SGMS1: variants seen among roughly 807,000 people sequenced by gnomAD.
SGMS1 encodes the protein phosphatidylcholine:ceramide cholinephosphotransferase 1.
A neutral mutation model predicts 46.2 loss-of-function variants in SGMS1; 13 were observed. The observed-to-expected ratio is 0.28, with a 90% CI of 0.18 to 0.45. The LOEUF is 0.45. Ranked by LOEUF, SGMS1 falls within the 20% of genes least tolerant of loss-of-function variation. The pLI is 1.00. For missense variants in SGMS1, 324 were observed against 519.9 expected, an observed-to-expected ratio of 0.62 and a Z score of 3.66; for synonymous variants, 203 against 187.8, an observed-to-expected ratio of 1.08 and a Z score of -0.66.
intron 3 of SGMS1, among the ~76,000 whole-genome samples, chr10:50,485,303 C>T (rs1837510596): frequency 1.3e-5 from 2 of 151,998 alleles, no homozygotes. Context: ...ACAATTGCTA[C>T]AAAGAGAATA....
At chr10:50,408,448 AAAAAAAAC>A (rs1564904987) in intron 6 of SGMS1, among the ~76,000 whole-genome samples, 2 of 148,548 alleles carry the variant, frequency 1.3e-5, no homozygotes, top group Non-Finnish European at 2.9e-5. Flanking sequence ...AAAAAAAAAA[AAAAAAAAC>A]AAAATAAAAA....
intron 6 of SGMS1, among the ~76,000 whole-genome samples, chr10:50,426,397 A>C (rs940584177): frequency 6.6e-6 from 1 of 152,254 alleles, no homozygotes; most frequent in African/African-American, 2.4e-5. Flanking sequence ...CTGGTTGTGC[A>C]GTATTTAATA....
At chr10:50,350,193 G>A (rs1447562475) in intron 6 of SGMS1, among the ~76,000 whole-genome samples, 2 of 152,180 alleles carry the variant, frequency 1.3e-5, no homozygotes, top group Admixed American at 6.5e-5. Flanking sequence ...GAAGCATTTT[G>A]CCCCTGCCCT....
intron 8 of SGMS1, among the ~76,000 whole-genome samples, chr10:50,321,064 C>G (rs944498582): frequency 1.3e-5 from 2 of 152,210 alleles, no homozygotes; most frequent in Non-Finnish European, 2.9e-5. Flanking sequence ...AGGAAATAAA[C>G]AAGCTTCTTG....
intron 3 of SGMS1, among the ~76,000 whole-genome samples, chr10:50,467,150 T>C (rs2133695744): frequency 6.6e-6 from 1 of 151,882 alleles, no homozygotes; most frequent in South Asian, 2.1e-4. Flanking sequence ...AGCATGCAAA[T>C]CCAATGCCAA....
At chr10:50,563,858 T>G (rs1838264851) in intron 2 of SGMS1, among the ~76,000 whole-genome samples, 1 of 152,122 alleles carries the variant, frequency 6.6e-6, no homozygotes, top group Non-Finnish European at 1.5e-5. Flanking sequence ...GGTTTCTGAT[T>G]ACACTTGCGT....
intron 6 of SGMS1, among the ~76,000 whole-genome samples, chr10:50,429,063 A>G (rs1232251186): frequency 6.6e-6 from 1 of 152,234 alleles, no homozygotes; most frequent in African/African-American, 2.4e-5. Flanking sequence ...CTGTATGGGT[A>G]CTTGAAGTAT....
At chr10:50,546,249 C>T (rs1469480030) in intron 2 of SGMS1, among the ~76,000 whole-genome samples, 4 of 152,236 alleles carry the variant, frequency 2.6e-5, no homozygotes, top group Admixed American at 6.5e-5. Flanking sequence ...TAGCAACAAA[C>T]ACAAGGCTCA....
intron 2 of SGMS1, among the ~76,000 whole-genome samples, chr10:50,548,972 T>C (rs1355549791): frequency 6.6e-6 from 1 of 152,046 alleles, no homozygotes; most frequent in Non-Finnish European, 1.5e-5. Context: ...ATTAGAGAAA[T>C]GCAAATCAAA....
In SGMS1 at chr10:50,475,886, A is replaced by C. The variant is rs114818698; in HGVS notation, c.-497-8954T>G. On this transcript the variant is annotated intron_variant, in intron 3 of 10. Coordinates refer to ENST00000361781, the MANE Select transcript of SGMS1 (RefSeq NM_147156.4). Reference sequence around the variant, plus strand: ...GTACAGCCTGCATAACTTTGAGCCAATTGAACCTCATTTCTGTATAAATTA... The same window carrying C: ...GTACAGCCTGCATAACTTTGAGCCACTTGAACCTCATTTCTGTATAAATTA... 4.4e-3 allele frequency among the ~76,000 whole-genome samples: 673 copies of C among 152,122 alleles called. 3 individuals carry two copies. Among genetic ancestry groups the C allele is most frequent in the African/African-American group, 0.015 (634 of 41,490 alleles).
At chr10:50,405,519 A>G (rs758920680) in intron 6 of SGMS1, among the ~76,000 whole-genome samples, 1 of 152,216 alleles carries the variant, frequency 6.6e-6, no homozygotes, top group Non-Finnish European at 1.5e-5. Context: ...AAAAATTAGC[A>G]GTTTACAGTT....
At chr10:50,400,178 A>G (rs1225176150) in intron 6 of SGMS1, among the ~76,000 whole-genome samples, 1 of 151,488 alleles carries the variant, frequency 6.6e-6, no homozygotes, top group Non-Finnish European at 1.5e-5. Context: ...TCTAATGGAG[A>G]GGAAGGTTAG....
At chr10:50,579,809 AATAC>A (rs999096959) in intron 2 of SGMS1, among the ~76,000 whole-genome samples, 6 of 152,218 alleles carry the variant, frequency 3.9e-5, no homozygotes, top group Non-Finnish European at 8.8e-5. Flanking sequence ...CTGGGAATCC[AATAC>A]ATAGGCAAGA....
intron 5 of SGMS1, among the ~76,000 whole-genome samples, chr10:50,435,974 TAC>T (rs1489340496): frequency 1.3e-5 from 2 of 152,224 alleles, no homozygotes; most frequent in East Asian, 3.8e-4. Flanking sequence ...CGTGTGTCAT[TAC>T]AGTTTAGTTC....
At chr10:50,468,400 A>G (rs1205886590) in intron 3 of SGMS1, among the ~76,000 whole-genome samples, 1 of 152,256 alleles carries the variant, frequency 6.6e-6, no homozygotes, top group Non-Finnish European at 1.5e-5. Flanking sequence ...CAAGTTATTC[A>G]GGACCTGAGA....
intron 1 of SGMS1, among the ~76,000 whole-genome samples, chr10:50,596,605 A>G (rs1377027917): frequency 1.3e-5 from 2 of 152,252 alleles, no homozygotes; most frequent in Admixed American, 1.3e-4. Context: ...AATGGACTCA[A>G]AGTAAAACAT....
intron 2 of SGMS1, among the ~76,000 whole-genome samples, chr10:50,562,394 A>G (rs965429419): frequency 1.3e-5 from 2 of 149,384 alleles, no homozygotes; most frequent in South Asian, 2.2e-4. Context: ...ACGGGCGCGC[A>G]TGCGCACTCT....
chr10:50,616,781 C>CA (rs1173375625), intron 1 of SGMS1, among the ~76,000 whole-genome samples: 8 of 152,116 alleles, frequency 5.3e-5, no homozygotes, highest in African/African-American at 1.9e-4. Flanking sequence ...GTTATCATGA[C>CA]AGAGAAAATT....
At chr10:50,427,603 C>T (rs1849346503) in intron 6 of SGMS1, among the ~76,000 whole-genome samples, 1 of 152,136 alleles carries the variant, frequency 6.6e-6, no homozygotes, top group African/African-American at 2.4e-5. Context: ...AGCAACGACA[C>T]TTAACATTTT....
Sources: allele counts gnomAD v4.1 joint callset (sites outside exome capture counted in the v4.1 genomes callset), GRCh38; gene constraint gnomAD v4.1.1; transcripts MANE v1.5; gene names NCBI Gene and HGNC (gene_info 2026-07-23, HGNC 2026-07-21).